Variants in RALGPS1 observed in about 807,000 individuals in gnomAD.
RALGPS1 encodes the protein ras-specific guanine nucleotide-releasing factor RalGPS1.
In RALGPS1, 19 loss-of-function variants were observed where a neutral mutation model predicts 78.8. The observed-to-expected ratio is 0.24, with a 90% CI of 0.17 to 0.35. RALGPS1 has a LOEUF of 0.35. RALGPS1 is among the 10% of genes least tolerant of loss of function. The pLI is 1.00. For missense variants in RALGPS1, 454 were observed against 688.3 expected (o/e 0.66, Z 3.81); for synonymous variants, 228 against 256.3 (o/e 0.89, Z 1.06).
intron 11 of RALGPS1, among the ~76,000 whole-genome samples, chr9:127,182,178 TAAAA>T (rs74348799): frequency 7.1e-6 from 1 of 141,470 alleles, no homozygotes. Context: ...CCCATCTGTT[TAAAA>T]AAAAAAAAAA....
chr9:127,005,407 T>C (rs1426831240), intron 4 of RALGPS1, among the ~76,000 whole-genome samples: 1 of 152,240 alleles, frequency 6.6e-6, no homozygotes, highest in Non-Finnish European at 1.5e-5. Flanking sequence ...GCAATACTTC[T>C]GGTTTTGTAG....
At chr9:127,195,062 C>T (rs531695869) in intron 11 of RALGPS1, 29 bp from the exon 12 acceptor site, 14 of 1,610,988 alleles carry the variant, frequency 8.7e-6, no homozygotes, top group Admixed American at 1.7e-5. Context: ...TCATAACCCC[C>T]GTTGTTGCTC....
chr9:127,003,292 G>A (rs1041560130), intron 4 of RALGPS1, among the ~76,000 whole-genome samples: 3 of 151,834 alleles, frequency 2.0e-5, no homozygotes, highest in African/African-American at 2.4e-5. Flanking sequence ...GAAAATTTTC[G>A]CAACCTACTC....
At chr9:127,168,575 C>A in intron 9 of RALGPS1, 104 bp from the exon 10 acceptor site, 1 of 813,644 alleles carries the variant, frequency 1.2e-6, no homozygotes, top group South Asian at 1.5e-5. Flanking sequence ...GTGAATGAGT[C>A]TCAGTATCCT....
intron 8 of RALGPS1, among the ~76,000 whole-genome samples, chr9:127,140,647 G>T (rs1434505575): frequency 2.6e-5 from 4 of 152,106 alleles, no homozygotes; most frequent in Non-Finnish European, 5.9e-5. Flanking sequence ...CACAGTGATG[G>T]GATTATAGGC....
At chr9:126,991,962 A>G (rs2042321654) in intron 4 of RALGPS1, among the ~76,000 whole-genome samples, 1 of 152,206 alleles carries the variant, frequency 6.6e-6, no homozygotes, top group Non-Finnish European at 1.5e-5. Flanking sequence ...CTCATCTGTC[A>G]TTGCTATATC....
intron 4 of RALGPS1, among the ~76,000 whole-genome samples, chr9:126,985,075 A>AT (rs1431307092): frequency 1.3e-5 from 2 of 152,104 alleles, no homozygotes; most frequent in Non-Finnish European, 2.9e-5. Context: ...TCCCCACCCT[A>AT]TTGACTTTGG....
intron 14 of RALGPS1, among the ~76,000 whole-genome samples, chr9:127,203,979 G>C (rs184773579): frequency 2.0e-5 from 3 of 152,136 alleles, no homozygotes; most frequent in Non-Finnish European, 4.4e-5. Flanking sequence ...GGAGTTCTCC[G>C]TTGACCTCCA....
chr9:127,193,077 A>G (rs765605534), intron 11 of RALGPS1, among the ~76,000 whole-genome samples: 3 of 152,230 alleles, frequency 2.0e-5, no homozygotes, highest in Non-Finnish European at 4.4e-5. Flanking sequence ...ACAGGGAAAG[A>G]GAGACTAGAG....
chr9:126,995,971 C>T lies in RALGPS1; in HGVS notation c.216+18226C>T, dbSNP rs1287991348. Among the ~76,000 whole-genome samples, 26 of 152,238 alleles carry T rather than the reference C, an allele frequency of 1.7e-4. 1 individual carries two copies. In the East Asian group the frequency reaches 4.8e-3, roughly 28 times the overall value. On this transcript the variant is annotated intron_variant, in intron 4 of 18. Transcript: ENST00000259351. ...AAATGAAGGCAGAAATAAAGATGTT[C>T]TTTGAAACCAACGAGAACAAAGACA... is the stretch of plus-strand genomic sequence containing the variant.
chr9:127,094,879 T>G (rs926587223), intron 8 of RALGPS1, among the ~76,000 whole-genome samples: 5 of 152,194 alleles, frequency 3.3e-5, no homozygotes, highest in Non-Finnish European at 5.9e-5. Flanking sequence ...CACTGGTCTT[T>G]TAGCCCTCCC....
intron 11 of RALGPS1, among the ~76,000 whole-genome samples, chr9:127,180,988 C>T (rs2060182590): frequency 6.6e-6 from 1 of 152,240 alleles, no homozygotes. Flanking sequence ...TCCTGCAGGG[C>T]AGCTGGCTTT....
chr9:127,120,425 C>T (rs1466252735), intron 8 of RALGPS1, among the ~76,000 whole-genome samples: 1 of 152,224 alleles, frequency 6.6e-6, no homozygotes, highest in African/African-American at 2.4e-5. Context: ...TCCTCAGGCT[C>T]CTGGAAAGCC....
chr9:127,200,611 C>T (rs1424363879), intron 14 of RALGPS1, among the ~76,000 whole-genome samples: 1 of 152,192 alleles, frequency 6.6e-6, no homozygotes, highest in East Asian at 1.9e-4. Flanking sequence ...GGGGGAGTGG[C>T]GATATGCCAG....
intron 11 of RALGPS1, among the ~76,000 whole-genome samples, chr9:127,186,544 C>T (rs1277643119): frequency 6.6e-6 from 1 of 152,236 alleles, no homozygotes; most frequent in African/African-American, 2.4e-5. Context: ...CCACCCCAGG[C>T]TTGGCAGGGC....
chr9:127,073,462 GTGTC>G lies in RALGPS1; in HGVS notation c.610+4110_610+4113del, dbSNP rs1217919924. ...AGTACACCATTGTGTGTGTGTGTGT[GTGTC>G]TGTGTGTGTGTGTGTGTGTGTATAA... On this transcript the variant is annotated intron_variant, in intron 8 of 18. Transcript: ENST00000259351. Among the ~76,000 whole-genome samples the G allele has an allele frequency of 6.1e-3, 848 of 139,848 alleles. 9 individuals carry two copies. The highest frequency in any genetic ancestry group is 0.025 in the African/African-American group (798 of 31,836). 91.7% of individuals were successfully genotyped at this position (139,848 alleles called of 152,430 possible).
intron 4 of RALGPS1, among the ~76,000 whole-genome samples, chr9:126,985,099 A>G (rs2041673693): frequency 6.6e-6 from 1 of 152,060 alleles, no homozygotes; most frequent in African/African-American, 2.4e-5. Context: ...TGGCCCTGTG[A>G]CTTGGTTTTG....
At position 126,971,277 on chromosome 9, in the gene RALGPS1, TA is replaced by T. The variant is rs997071022; in HGVS notation, c.165+5338del. Among the ~76,000 whole-genome samples, 526 of 142,260 alleles carry T rather than the reference TA, an allele frequency of 3.7e-3. 3 individuals carry two copies. Among genetic ancestry groups the T allele is most frequent in the African/African-American group, 0.01 (402 of 38,968 alleles). The allele number at this position is 142,260 out of a possible 152,430, so 93.3% of individuals were successfully genotyped here. A position where few individuals can be genotyped will look rare whatever the true frequency, so the allele number is the denominator to read the frequency against. Reference sequence around the variant, plus strand: ...AATTTAGGAAAATGTTCATGATATTTAAAAAAAAAAAAGATTTGAAACCGCA... The same window carrying T: ...AATTTAGGAAAATGTTCATGATATTTAAAAAAAAAAAGATTTGAAACCGCA... On this transcript the variant is annotated intron_variant, in intron 3 of 18. Transcript: ENST00000259351.
intron 8 of RALGPS1, chr9:127,069,626 A>C: frequency 2.9e-6 from 1 of 348,428 alleles, no homozygotes; most frequent in Non-Finnish European, 5.3e-6. Flanking sequence ...ATGGGTCACA[A>C]TGAGAGTGAT....
Sources: allele counts gnomAD v4.1 joint callset (sites outside exome capture counted in the v4.1 genomes callset), GRCh38; gene constraint gnomAD v4.1.1; transcripts MANE v1.5; gene names NCBI Gene and HGNC (gene_info 2026-07-23, HGNC 2026-07-21).